KDM2B: variants seen among roughly 807,000 people sequenced by gnomAD.
KDM2B encodes lysine-specific demethylase 2B.
KDM2B carries 26 observed loss-of-function variants against 150.0 expected under a neutral mutation model. The ratio of observed to expected loss-of-function variants is 0.17; its 90% CI spans 0.13 to 0.24. The LOEUF is 0.24. KDM2B is among the 10% of genes least tolerant of loss of function. The pLI, the probability that KDM2B is intolerant of heterozygous loss-of-function variation, is 1.00. For synonymous variants in KDM2B, 734 were observed against 729.5 expected, an observed-to-expected ratio of 1.01 and a Z score of -0.10; for missense variants, 1,265 against 1,816.9, an observed-to-expected ratio of 0.70 and a Z score of 5.52.
At chr12:121,530,880 T>C (rs1054742846) in intron 8 of KDM2B, among the ~76,000 whole-genome samples, 1 of 152,076 alleles carries the variant, frequency 6.6e-6, no homozygotes, top group Non-Finnish European at 1.5e-5. Context: ...TAAGGCCTGT[T>C]AGGCTCAGAG....
intron 12 of KDM2B, among the ~76,000 whole-genome samples, chr12:121,489,413 G>A (rs1331016595): frequency 6.6e-6 from 1 of 151,802 alleles, no homozygotes; most frequent in Admixed American, 6.6e-5. Flanking sequence ...GAGACTACAG[G>A]CGTGAGCCAC....
In KDM2B at chr12:121,442,388, C is replaced by A; in HGVS notation, c.3053G>T (p.Ser1018Ile). ...LRHQLGPSLR[S>I]PPRVISRPPP... ...GGGCCGGGAGATGACACGGGGCGGG[C>A]TGCGCAGGCTGGGCCCCAGCTGGTG... is the stretch of plus-strand genomic sequence containing the variant. Residue 1018 changes from serine to isoleucine, a missense_variant, in exon 19 of 23, where the codon AGC becomes ATC. By Grantham distance (142) the Ser-to-Ile change is moderately radical. Transcript: ENST00000377071. The surrounding 1 kb of genome is among the most constrained non-coding windows in gnomAD (Gnocchi z 7.7). The A allele has an allele frequency of 1.9e-6, 3 of 1,590,614 alleles. No homozygotes were observed. Among genetic ancestry groups the A allele is most frequent in the Non-Finnish European group, 2.6e-6 (3 of 1,170,662 alleles).
intron 8 of KDM2B, among the ~76,000 whole-genome samples, chr12:121,522,968 G>A (rs1427624060): frequency 1.3e-5 from 2 of 152,212 alleles, no homozygotes; most frequent in African/African-American, 4.8e-5. Context: ...TCATTCACTG[G>A]GACACACAGC....
intron 12 of KDM2B, among the ~76,000 whole-genome samples, chr12:121,464,590 C>T (rs1386020322): frequency 6.6e-6 from 1 of 152,196 alleles, no homozygotes; most frequent in Non-Finnish European, 1.5e-5. Context: ...GCAGCCAAAA[C>T]TCTGATGGGG....
chr12:121,526,126 C>T (rs1046926617), intron 8 of KDM2B, among the ~76,000 whole-genome samples: 8 of 152,244 alleles, frequency 5.3e-5, no homozygotes, highest in South Asian at 2.1e-4. Flanking sequence ...CCAAGGCAGG[C>T]GGATCACTTG....
chr12:121,478,022 C>T (rs1881586528), intron 12 of KDM2B, among the ~76,000 whole-genome samples: 1 of 151,890 alleles, frequency 6.6e-6, no homozygotes, highest in Non-Finnish European at 1.5e-5. Flanking sequence ...GGATTACAGG[C>T]GTGAGCCACC....
the KDM2B span, among the ~76,000 whole-genome samples, chr12:121,413,951 T>C: frequency 2.2e-4 from 34 of 152,218 alleles, no homozygotes; most frequent in African/African-American, 7.7e-4. Context: ...AATCCTTGGC[T>C]TTGATACTTC....
chr12:121,442,729 G>C lies in KDM2B; in HGVS notation c.2712C>G (p.Thr904=). The C allele has an allele frequency of 6.4e-7, 1 of 1,563,148 alleles. No homozygotes were observed. Among genetic ancestry groups the C allele is most frequent in the South Asian group, 1.2e-5 (1 of 83,136 alleles). The change falls in exon 19 of 23, where the codon ACC becomes ACG. Residue 904 remains threonine (T), a synonymous_variant. Transcript: ENST00000377071. The surrounding 1 kb of genome is among the most constrained non-coding windows in gnomAD (Gnocchi z 7.7). Reference sequence around the variant, plus strand: ...TGGAGCGGGAGTGGTCGCTCTCCCTGGTCTTGGGGGGCGCCTCGGGCAGTT... The same window carrying C: ...TGGAGCGGGAGTGGTCGCTCTCCCTCGTCTTGGGGGGCGCCTCGGGCAGTT... ...EDELPEAPPK[T]RESDHSRSSS... is the part of the protein sequence containing the mutation.
At chr12:121,426,702 C>G (rs564301965), downstream of KDM2B, among the ~76,000 whole-genome samples, 1 of 146,086 alleles carries the variant, frequency 6.8e-6, no homozygotes, top group East Asian at 2.0e-4. Context: ...CTTGGCTTAT[C>G]GCAACCTCCG....
the KDM2B span, chr12:121,420,883 T>A: frequency 1.2e-6 from 1 of 834,180 alleles, no homozygotes; most frequent in Admixed American, 2.3e-5. Context: ...GAGAAAGCTG[T>A]GTACCATTTT....
At chr12:121,498,246 C>G (rs1292540637) in intron 11 of KDM2B, among the ~76,000 whole-genome samples, 1 of 152,104 alleles carries the variant, frequency 6.6e-6, no homozygotes, top group Non-Finnish European at 1.5e-5. Context: ...GGGAGAAGAC[C>G]GTCACTTCCA....
Position 121,442,805 on chromosome 12 carries a change from A to G in KDM2B, c.2636T>C (p.Met879Thr). 6.5e-7 allele frequency: 1 copy of G among 1,532,142 alleles called. No homozygotes were observed. Among genetic ancestry groups the G allele is most frequent in the Non-Finnish European group, 8.7e-7 (1 of 1,145,828 alleles). The allele number at this position is 1,532,142 out of a possible 1,614,324, so 94.9% of individuals were successfully genotyped here. The change falls in exon 19 of 23, where the codon ATG becomes ACG. Residue 879 changes from methionine (M) to threonine (T), a missense_variant. Around this residue, in one of 11 missense-constraint regions of KDM2B, gnomAD observed 418 missense variants for 402.4 expected, o/e 1.04. Coordinates refer to ENST00000377071, the MANE Select transcript of KDM2B (RefSeq NM_032590.5). The surrounding 1 kb of genome is among the most constrained non-coding windows in gnomAD (Gnocchi z 7.7). ...CCGGAGGGGCTTGTTGGCCAGCGCC[A>G]TGCGGTCCTCGGCGTTCTTCCAGGA... Reference protein sequence around the residue: ...RRSWKNAEDRMALANKPLRRF... With the variant: ...RRSWKNAEDRTALANKPLRRF...
intron 19 of KDM2B, among the ~76,000 whole-genome samples, chr12:121,441,796 CTGGCGTCATGCCCG>C (rs1555288375): frequency 6.6e-6 from 1 of 152,206 alleles, no homozygotes; most frequent in Non-Finnish European, 1.5e-5. Context: ...CCCCATGAAG[CTGGCGTCATGCCCG>C]TTCATCCAAG....
chr12:121,563,216 G>A (rs1566423340), intron 4 of KDM2B, among the ~76,000 whole-genome samples: 1 of 152,188 alleles, frequency 6.6e-6, no homozygotes, highest in East Asian at 1.9e-4. Flanking sequence ...TAGGGAGGCT[G>A]AGGCAGCAAG....
Position 121,444,243 on chromosome 12 carries a change from G to A in KDM2B, c.2220C>T (p.Ala740=). ...TGAGCAGGGAGCCGGGCAGGTTGGA[G>A]GCGTACTTAAAGCCAGGGCCACGCT... The part of the protein sequence containing the change: ...KQKRGPGFKY[A]SNLPGSLLKE... The change falls in exon 16 of 23, where the codon GCC becomes GCT. Residue 740 remains alanine, a synonymous_variant. Transcript: ENST00000377071. The A allele has an allele frequency of 6.2e-7, 1 of 1,613,904 alleles. No homozygotes were observed. The highest frequency in any genetic ancestry group is 8.5e-7 in the Non-Finnish European group (1 of 1,180,036).
Position 121,521,093 on chromosome 12 carries a change from G to A in KDM2B, c.939C>T (p.Ile313=). The part of the protein sequence containing the change: ...GYTFFIPSGW[I]HAVYTPVDSL... ...AGTCTACAGGGGTGTAGACGGCATGGATCCAACCTGGGGTGGGAAGGGCAA... is the reference window on the plus strand; with the variant it reads ...AGTCTACAGGGGTGTAGACGGCATGAATCCAACCTGGGGTGGGAAGGGCAA... The change falls in exon 9 of 23, where the codon ATC becomes ATT. Residue 313 remains isoleucine (I), a synonymous_variant. Coordinates refer to ENST00000377071, the MANE Select transcript of KDM2B (RefSeq NM_032590.5). The surrounding 1 kb of genome is among the most constrained non-coding windows in gnomAD (Gnocchi z 4.9). 3.1e-6 allele frequency: 5 copies of A among 1,612,922 alleles called. No homozygotes were observed. Among genetic ancestry groups the A allele is most frequent in the Non-Finnish European group, 4.2e-6 (5 of 1,179,110 alleles).
chr12:121,417,819 T>A, the KDM2B span: 1 of 1,614,204 alleles, frequency 6.2e-7, no homozygotes, highest in South Asian at 1.1e-5. The surrounding 1 kb of genome is among the most constrained non-coding windows in gnomAD (Gnocchi z 5.0). Flanking sequence ...TTCGTTTTTT[T>A]CAAACTATAC....
At chr12:121,572,758 G>A (rs1891194751) in intron 4 of KDM2B, among the ~76,000 whole-genome samples, 1 of 151,610 alleles carries the variant, frequency 6.6e-6, no homozygotes, top group Non-Finnish European at 1.5e-5. Flanking sequence ...GGGCTCAAGT[G>A]AGCCTCCCGT....
chr12:121,425,534 A>AATACCTGTGAACACCAGGAGGCAGAT (rs1457532184), downstream of KDM2B, among the ~76,000 whole-genome samples: 6 of 152,112 alleles, frequency 3.9e-5, no homozygotes, highest in Non-Finnish European at 8.8e-5. Context: ...CAGAGCTGAA[A>AATACCTGTGAACACCAGGAGGCAGAT]ATACCTGTGA....
Sources: gnomAD v4.1 joint callset for allele counts (sites outside exome capture counted in the v4.1 genomes callset) on GRCh38, gnomAD v4.1.1 for gene constraint, gnomAD v4.1.1 regional missense constraint, Gnocchi (gnomAD v3.1) non-coding constraint, MANE v1.5 for transcripts, NCBI Gene and HGNC (gene_info 2026-07-23, HGNC 2026-07-21) for gene names.